The following STOX2 variants were observed in gnomAD, a reference collection of about 807,000 sequenced individuals.
STOX2 encodes storkhead-box protein 2.
A neutral mutation model predicts 60.9 loss-of-function variants in STOX2; 28 were observed. The observed-to-expected ratio is 0.46, with a 90% CI of 0.34 to 0.63. The LOEUF is 0.63. STOX2 is among the 30% of genes least tolerant of loss of function. The pLI is 0.01. For missense variants in STOX2, 1,024 were observed against 1,187.7 expected, an observed-to-expected ratio of 0.86 and a Z score of 2.03; for synonymous variants, 472 against 463.9, an observed-to-expected ratio of 1.02 and a Z score of -0.22.
rs1337229324 is a variant in STOX2, at chr4:183,853,315, C to T, written c.364+55260C>T. ...GTGCTGAGCGGATTCAGGGCCCAGC[C>T]CCGTGGGTCCTTAATGACTTCAATG... On this transcript the variant is annotated intron_variant, in intron 1 of 2. Transcript: ENST00000513034. The T allele has an allele frequency of 2.0e-5, 3 of 152,172 alleles. No homozygotes were observed. The East Asian group carries it at 5.8e-4, about 29-fold the overall frequency. 9.4% of individuals were successfully genotyped at this position (152,172 alleles called of 1,614,324 possible). A position where few individuals can be genotyped will look rare whatever the true frequency, so the allele number is the denominator to read the frequency against.
chr4:183,809,320 T>A (rs1199881088), intron 1 of STOX2, among the ~76,000 whole-genome samples: 1 of 152,194 alleles, frequency 6.6e-6, no homozygotes, highest in Non-Finnish European at 1.5e-5. Flanking sequence ...GAACTCTTCC[T>A]CAAGTGATCC....
intron 2 of STOX2, among the ~76,000 whole-genome samples, chr4:184,004,988 C>G (rs542654597): frequency 8.5e-5 from 13 of 152,330 alleles, no homozygotes; most frequent in African/African-American, 3.1e-4. Context: ...ACACTGTGTT[C>G]TGTCTCCCAT....
At chr4:183,860,269 AG>A (rs1740399948) in intron 1 of STOX2, among the ~76,000 whole-genome samples, 1 of 152,140 alleles carries the variant, frequency 6.6e-6, no homozygotes, top group Non-Finnish European at 1.5e-5. Context: ...ATCATTATAC[AG>A]AAAAGGAAAC....
At chr4:183,963,460 A>T (rs1449034677) in intron 1 of STOX2, among the ~76,000 whole-genome samples, 3 of 147,906 alleles carry the variant, frequency 2.0e-5, no homozygotes, top group South Asian at 2.2e-4. Flanking sequence ...GGAGTCTTGC[A>T]CTGTCACCCA....
In STOX2 at chr4:184,010,184, G is replaced by A; in HGVS notation, c.1346G>A (p.Arg449Lys). 6.4e-7 allele frequency: 1 copy of A among 1,555,290 alleles called. No homozygotes were observed. The highest frequency in any genetic ancestry group is 8.7e-7 in the Non-Finnish European group (1 of 1,148,958). The change falls in exon 3 of 4, where the codon AGG becomes AAG. Residue 449 changes from arginine to lysine, a missense_variant. By Grantham distance (26) the Arg-to-Lys change is conservative. Around this residue, in one of 3 missense-constraint regions of STOX2, gnomAD observed 922 missense variants for 1,058.3 expected, o/e 0.87. Coordinates refer to ENST00000308497, the MANE Select transcript of STOX2 (RefSeq NM_020225.3). This position sits in a 1 kb window ranked among gnomAD's most constrained non-coding sequence, Gnocchi z 4.5. The part of the protein sequence containing the change: ...EWDVSGELAK[R>K]RTEMPFPEPS... ...GATGTGTCTGGTGAATTGGCTAAAA[G>A]GAGAACTGAGATGCCTTTTCCTGAA...
intron 2 of STOX2, among the ~76,000 whole-genome samples, chr4:184,003,576 G>T (rs1011028930): frequency 6.6e-6 from 1 of 152,204 alleles, no homozygotes. Context: ...CAGGTCTAGC[G>T]CAGGAGTTTG....
At chr4:183,949,905 T>G (rs1209865100) in intron 1 of STOX2, among the ~76,000 whole-genome samples, 1 of 152,186 alleles carries the variant, frequency 6.6e-6, no homozygotes, top group Non-Finnish European at 1.5e-5. Flanking sequence ...GGCATTTGTA[T>G]CCCTCCTCTA....
upstream of STOX2, among the ~76,000 whole-genome samples, chr4:183,902,032 C>T (rs1015538237): frequency 6.6e-5 from 10 of 152,098 alleles, no homozygotes; most frequent in Admixed American, 2.6e-4. Context: ...ATATATCTGA[C>T]GAGGAAGGCT....
At chr4:183,802,627 G>GTTTT in intron 1 of STOX2, among the ~76,000 whole-genome samples, 1 of 119,898 alleles carries the variant, frequency 8.3e-6, no homozygotes. Context: ...TTTTTTTGAG[G>GTTTT]CGGAGTCTCG....
chr4:183,991,716 G>A (rs911609709), intron 1 of STOX2, among the ~76,000 whole-genome samples: 55 of 152,060 alleles, frequency 3.6e-4, no homozygotes, highest in Admixed American at 3.9e-4. Context: ...GAGCCACCGC[G>A]CCCGGCCAGG....
At chr4:183,963,292 A>G (rs1560907347) in intron 1 of STOX2, among the ~76,000 whole-genome samples, 1 of 152,270 alleles carries the variant, frequency 6.6e-6, no homozygotes, top group Non-Finnish European at 1.5e-5. Context: ...TATGACGTCA[A>G]AAAGTCATAT....
chr4:183,853,551 C>T (rs1380634477), intron 1 of STOX2: 2 of 152,210 alleles, frequency 1.3e-5, no homozygotes, highest in Admixed American at 6.5e-5. Flanking sequence ...AGATCCCACA[C>T]CTTTCCTTGG....
Position 183,906,807 on chromosome 4 carries a change from G to A in STOX2, c.17G>A (p.Ser6Asn), listed in dbSNP as rs368418952. ...CTCCCCACCATGAAGAAGACCCGGAGCACAACCTTGCGGCGAGCCTGGCCT... is the reference window on the plus strand; with the variant it reads ...CTCCCCACCATGAAGAAGACCCGGAACACAACCTTGCGGCGAGCCTGGCCT... The part of the protein sequence containing the change: MKKTR[S>N]TTLRRAWPSS... The change falls in exon 1 of 4, where the codon AGC (serine) becomes AAC (asparagine). Residue 6 changes from serine to asparagine, a missense_variant. Around this residue, in one of 3 missense-constraint regions of STOX2, gnomAD observed 98 missense variants for 110.2 expected, o/e 0.89. Transcript: ENST00000308497. The A allele has an allele frequency of 7.7e-6, 12 of 1,556,492 alleles. No homozygotes were observed. Among genetic ancestry groups the A allele is most frequent in the African/African-American group, 1.4e-5 (1 of 72,924 alleles).
At chr4:183,920,780 T>A (rs957603208) in intron 1 of STOX2, among the ~76,000 whole-genome samples, 3 of 152,180 alleles carry the variant, frequency 2.0e-5, no homozygotes, top group Non-Finnish European at 4.4e-5. Context: ...TGTGAGCTCC[T>A]TAGTCGTCTT....
intron 1 of STOX2, among the ~76,000 whole-genome samples, chr4:183,999,786 C>T (rs1013772476): frequency 3.9e-5 from 6 of 152,218 alleles, no homozygotes; most frequent in Non-Finnish European, 7.3e-5. Flanking sequence ...GGACTCTGCA[C>T]TCCTCCTGCA....
chr4:183,848,733 T>G (rs1240629833), intron 1 of STOX2, among the ~76,000 whole-genome samples: 1 of 152,174 alleles, frequency 6.6e-6, no homozygotes, highest in African/African-American at 2.4e-5. Flanking sequence ...TCATCTTTAT[T>G]AGAGAAGTGA....
At position 183,799,813 on chromosome 4, in the gene STOX2, A is replaced by G. The variant is rs776921665; in HGVS notation, c.364+1758A>G. On this transcript the variant is annotated intron_variant, in intron 1 of 2. Coordinates refer to the STOX2 transcript ENST00000513034. ...TTAACCAAAGAGAAATATTTTGGCA[A>G]TTTTTAAAGGTTCCAAATTGCTCTA... 4.6e-5 allele frequency among the ~76,000 whole-genome samples: 7 copies of G among 152,130 alleles called. No homozygotes were observed. The East Asian group carries it at 1.2e-3, about 25-fold the overall frequency.
At chr4:183,914,437 CAAAAAT>C (rs560992353) in intron 1 of STOX2, among the ~76,000 whole-genome samples, 19 of 151,838 alleles carry the variant, frequency 1.3e-4, no homozygotes, top group African/African-American at 3.6e-4. Flanking sequence ...GACCTTGTCT[CAAAAAT>C]AAAAATAAAA....
chr4:183,939,783 C>A (rs1579443334), intron 1 of STOX2, among the ~76,000 whole-genome samples: 3 of 152,120 alleles, frequency 2.0e-5, no homozygotes, highest in South Asian at 2.1e-4. Context: ...AACTTCTCCG[C>A]GTCCCAGTTT....
Sources: gnomAD v4.1 joint callset for allele counts (sites outside exome capture counted in the v4.1 genomes callset) on GRCh38, gnomAD v4.1.1 for gene constraint, gnomAD v4.1.1 regional missense constraint, Gnocchi (gnomAD v3.1) non-coding constraint, MANE v1.5 for transcripts, NCBI Gene and HGNC (gene_info 2026-07-23, HGNC 2026-07-21) for gene names.